Variants in ANKS1B observed in about 807,000 individuals in gnomAD.
ANKS1B encodes ankyrin repeat and sterile alpha motif domain-containing protein 1B.
In ANKS1B, 36 loss-of-function variants were observed where a neutral mutation model predicts 148.3. The observed-to-expected ratio is 0.24, with a 90% confidence interval of 0.19 to 0.32. The LOEUF (loss-of-function observed/expected upper bound fraction) is 0.32. ANKS1B is among the 10% of genes least tolerant of loss of function. ANKS1B has a pLI of 1.00. For missense variants in ANKS1B, 1,157 were observed against 1,542.6 expected (o/e 0.75, Z 4.19); for synonymous variants, 542 against 560.8 (o/e 0.97, Z 0.47).
intron 14 of ANKS1B, among the ~76,000 whole-genome samples, chr12:99,162,249 T>C (rs2076725383): frequency 6.6e-6 from 1 of 152,154 alleles, no homozygotes; most frequent in African/African-American, 2.4e-5. Context: ...AAAATTGTGA[T>C]GATGGTTGCA....
At chr12:99,366,290 T>A (rs1274454782) in intron 12 of ANKS1B, among the ~76,000 whole-genome samples, 2 of 152,220 alleles carry the variant, frequency 1.3e-5, no homozygotes, top group African/African-American at 2.4e-5. Context: ...CTTGGTTTTC[T>A]TGGTTCCCGG....
At chr12:99,215,402 G>A (rs1401392698) in intron 14 of ANKS1B, among the ~76,000 whole-genome samples, 3 of 152,194 alleles carry the variant, frequency 2.0e-5, no homozygotes, top group Admixed American at 1.3e-4. Context: ...GCTGTGAGAA[G>A]AGGGCCACCC....
chr12:99,592,940 G>T (rs1376224576), intron 9 of ANKS1B, among the ~76,000 whole-genome samples: 1 of 152,132 alleles, frequency 6.6e-6, no homozygotes, highest in Non-Finnish European at 1.5e-5. Flanking sequence ...GAAATTTTCT[G>T]ATCAGTAATT....
intron 8 of ANKS1B, among the ~76,000 whole-genome samples, chr12:99,692,206 A>G (rs1258441171): frequency 6.6e-6 from 1 of 152,168 alleles, no homozygotes; most frequent in Non-Finnish European, 1.5e-5. Context: ...GGATTGTAGG[A>G]GGGGAATAAC....
chr12:99,207,773 T>C (rs2082860114), intron 14 of ANKS1B, among the ~76,000 whole-genome samples: 1 of 152,082 alleles, frequency 6.6e-6, no homozygotes, highest in South Asian at 2.1e-4. Flanking sequence ...GAAAGATGTG[T>C]TTTTGTTAAG....
rs1337906173 is a variant in ANKS1B at position 99,582,348 on chromosome 12, T to TA, written c.1272+72718dup. ...TGTAATCCCACATCTAGGTATTTTT[T>TA]AAAAAAAAAAGACAGAGATGAAAAC... On this transcript the variant is annotated intron_variant, in intron 9 of 26. Coordinates refer to ENST00000683438, the MANE Select transcript of ANKS1B (RefSeq NM_001352186.2). Among the ~76,000 whole-genome samples, 556 of 149,300 alleles carry TA rather than the reference T, an allele frequency of 3.7e-3. 2 individuals are homozygous for TA. Among genetic ancestry groups the TA allele is most frequent in the African/African-American group, 4.7e-3 (193 of 40,844 alleles).
At position 99,516,618 on chromosome 12, in the gene ANKS1B, T is replaced by C. The variant is rs1258440169; in HGVS notation, c.1273-11977A>G. ...GGCAGGGGGAGGGAAAGCAACAGGA[T>C]AAATAGCTAATGCATGTGGGGCTTA... is the stretch of plus-strand genomic sequence containing the variant. On this transcript the variant is annotated intron_variant, in intron 9 of 26. Transcript: ENST00000683438. 2.0e-5 allele frequency among the ~76,000 whole-genome samples: 3 copies of C among 152,108 alleles called. No homozygotes were observed. The South Asian group carries it at 6.2e-4, about 32-fold the overall frequency.
At chr12:98,953,299 G>A (rs2153086299) in intron 17 of ANKS1B, among the ~76,000 whole-genome samples, 1 of 152,048 alleles carries the variant, frequency 6.6e-6, no homozygotes, top group Admixed American at 6.6e-5. Flanking sequence ...GGGACTACAG[G>A]TGTGAGCCAC....
chr12:99,470,021 A>G (rs2096212488), intron 10 of ANKS1B, among the ~76,000 whole-genome samples: 1 of 151,958 alleles, frequency 6.6e-6, no homozygotes, highest in South Asian at 2.1e-4. Context: ...CAGGAGACTG[A>G]GGCAGGAGAA....
chr12:99,461,006 C>T, intron 10 of ANKS1B, among the ~76,000 whole-genome samples: 1 of 151,458 alleles, frequency 6.6e-6, no homozygotes, highest in African/African-American at 2.4e-5. Context: ...AAATGCCCAT[C>T]AATCAACGAG....
At chr12:98,741,551 G>A (rs1476781972), downstream of ANKS1B, among the ~76,000 whole-genome samples, 1 of 152,210 alleles carries the variant, frequency 6.6e-6, no homozygotes, top group Non-Finnish European at 1.5e-5. Context: ...GAACTCAGCA[G>A]TGGTTGCCCC....
At chr12:99,938,778 A>C (rs997120493) in intron 1 of ANKS1B, among the ~76,000 whole-genome samples, 4 of 152,164 alleles carry the variant, frequency 2.6e-5, no homozygotes, top group Non-Finnish European at 4.4e-5. Flanking sequence ...TCAGCTGCTA[A>C]TTCCTGCCTT....
At chr12:99,679,215 T>C in intron 8 of ANKS1B, among the ~76,000 whole-genome samples, 1 of 152,216 alleles carries the variant, frequency 6.6e-6, no homozygotes, top group East Asian at 1.9e-4. Flanking sequence ...GCTCTCCTCA[T>C]CTGAAGTTAC....
At chr12:98,876,609 T>G (rs2099691121) in intron 17 of ANKS1B, among the ~76,000 whole-genome samples, 1 of 152,196 alleles carries the variant, frequency 6.6e-6, no homozygotes, top group South Asian at 2.1e-4. Flanking sequence ...TTTGTTGAAT[T>G]CACATGAAAG....
chr12:99,074,179 A>T (rs940670468), intron 16 of ANKS1B, among the ~76,000 whole-genome samples: 5 of 152,206 alleles, frequency 3.3e-5, no homozygotes, highest in Non-Finnish European at 4.4e-5. Context: ...GAATTGAAGG[A>T]TGACGGCTGC....
At chr12:98,884,116 T>C (rs1204439654) in intron 17 of ANKS1B, among the ~76,000 whole-genome samples, 2 of 152,176 alleles carry the variant, frequency 1.3e-5, no homozygotes, top group Non-Finnish European at 2.9e-5. Flanking sequence ...CTGTATCACC[T>C]TCAAATATAT....
At chr12:99,337,870 C>T (rs1343887402) in intron 12 of ANKS1B, among the ~76,000 whole-genome samples, 1 of 152,180 alleles carries the variant, frequency 6.6e-6, no homozygotes, top group Admixed American at 6.5e-5. Context: ...CACTAACAAA[C>T]ATAGTCTTTC....
intron 1 of ANKS1B, among the ~76,000 whole-genome samples, chr12:99,971,250 T>C (rs2095554663): frequency 6.6e-6 from 1 of 152,184 alleles, no homozygotes; most frequent in Admixed American, 6.5e-5. Context: ...GTCTTCAAAG[T>C]TTCTATCAAC....
chr12:99,590,659 G>A (rs1235604985), intron 9 of ANKS1B, among the ~76,000 whole-genome samples: 1 of 152,178 alleles, frequency 6.6e-6, no homozygotes. Flanking sequence ...AAAGAAAGAG[G>A]AAGAACTAGC....
Sources: allele counts gnomAD v4.1 joint callset (sites outside exome capture counted in the v4.1 genomes callset), GRCh38; gene constraint gnomAD v4.1.1; transcripts MANE v1.5; gene names NCBI Gene and HGNC (gene_info 2026-07-23, HGNC 2026-07-21).